ENOX1: variants seen among roughly 807,000 people sequenced by gnomAD.
ENOX1 encodes the protein ecto-NOX disulfide-thiol exchanger 1.
A neutral mutation model predicts 82.5 loss-of-function variants in ENOX1; 42 were observed. The ratio of observed to expected loss-of-function variants is 0.51; its 90% CI spans 0.40 to 0.66. ENOX1 has a LOEUF of 0.66. Ranked by LOEUF, ENOX1 falls within the 30% of genes least tolerant of loss-of-function variation. ENOX1 has a pLI of 0.00. For missense variants in ENOX1, 608 were observed against 811.6 expected, an observed-to-expected ratio of 0.75 and a Z score of 3.05; for synonymous variants, 271 against 282.2, an observed-to-expected ratio of 0.96 and a Z score of 0.40.
intron 11 of ENOX1, among the ~76,000 whole-genome samples, chr13:43,308,511 T>C (rs1207623222): frequency 6.6e-6 from 1 of 152,234 alleles, no homozygotes; most frequent in Non-Finnish European, 1.5e-5. Flanking sequence ...TTGTTTTGCA[T>C]TTCTGGTGAG....
chr13:43,248,369 G>A (rs1228635292), intron 14 of ENOX1, among the ~76,000 whole-genome samples: 1 of 151,802 alleles, frequency 6.6e-6, no homozygotes, highest in Non-Finnish European at 1.5e-5. Context: ...ATGTATGGTG[G>A]ATAGTGAAAA....
At position 43,301,522 on chromosome 13, in the gene ENOX1, C is replaced by T. The variant is rs1388280736; in HGVS notation, c.1262-2992G>A. On this transcript the variant is annotated intron_variant, in intron 11 of 16. Coordinates refer to ENST00000690772, the MANE Select transcript of ENOX1 (RefSeq NM_001347969.2). ...CAGTATATAATATTGTTTGCATTCC[C>T]GGAATAGGAATGTGATATCATCATA... 6.7e-5 allele frequency among the ~76,000 whole-genome samples: 10 copies of T among 148,204 alleles called. No individual in the cohort carries two copies. The East Asian group carries it at 7.9e-4, about 12-fold the overall frequency.
intron 14 of ENOX1, among the ~76,000 whole-genome samples, chr13:43,261,062 C>T (rs2044027868): frequency 6.6e-6 from 1 of 152,120 alleles, no homozygotes; most frequent in African/African-American, 2.4e-5. Context: ...GAAAACTTCT[C>T]CTGGGCATGC....
intron 12 of ENOX1, among the ~76,000 whole-genome samples, chr13:43,289,806 G>A (rs1229189837): frequency 6.6e-6 from 1 of 152,164 alleles, no homozygotes; most frequent in Non-Finnish European, 1.5e-5. Context: ...CAGAGTGGGA[G>A]AAGATATTCA....
Position 43,412,878 on chromosome 13 carries a change from G to C in ENOX1, c.37C>G (p.Leu13Val). The C allele has an allele frequency of 3.1e-6, 5 of 1,614,116 alleles. No homozygotes were observed. Among genetic ancestry groups the C allele is most frequent in the Non-Finnish European group, 4.2e-6 (5 of 1,180,020 alleles). Residue 13 changes from leucine (L) to valine (V), a missense_variant, in exon 4 of 17, where the codon CTT becomes GTT. Transcript: ENST00000690772. ...DAGGVENITQ[L>V]PQELPQMMAA... ...ATCATCTGAGGAAGCTCCTGGGGAA[G>C]CTGGGTGATGTTCTCAACTCCACCT...
At chr13:43,737,449 T>C (rs1199942758) in intron 1 of ENOX1, among the ~76,000 whole-genome samples, 1 of 152,178 alleles carries the variant, frequency 6.6e-6, no homozygotes, top group African/African-American at 2.4e-5. Context: ...TCTGTCAGGT[T>C]CAACTCTCTT....
At chr13:43,428,648 C>T (rs2055470721) in intron 3 of ENOX1, among the ~76,000 whole-genome samples, 1 of 152,302 alleles carries the variant, frequency 6.6e-6, no homozygotes, top group African/African-American at 2.4e-5. Flanking sequence ...TTCTGTTCTA[C>T]TTCTCTTACT....
At chr13:43,554,150 CA>C (rs1566514820) in intron 2 of ENOX1, among the ~76,000 whole-genome samples, 1 of 151,996 alleles carries the variant, frequency 6.6e-6, no homozygotes, top group African/African-American at 2.4e-5. Context: ...TTGTTACTTC[CA>C]AAAAAATTCC....
At chr13:43,429,188 G>A (rs1359533484) in intron 3 of ENOX1, among the ~76,000 whole-genome samples, 3 of 152,268 alleles carry the variant, frequency 2.0e-5, no homozygotes, top group Non-Finnish European at 2.9e-5. Context: ...CTCATCTCAC[G>A]AGTCATTGGA....
chr13:43,665,281 C>T (rs2084922424), intron 2 of ENOX1, among the ~76,000 whole-genome samples: 1 of 152,134 alleles, frequency 6.6e-6, no homozygotes, highest in Non-Finnish European at 1.5e-5. Flanking sequence ...GAAAGCACTA[C>T]CCCAAGAGGA....
intron 2 of ENOX1, among the ~76,000 whole-genome samples, chr13:43,647,179 A>G (rs777875735): frequency 7.2e-5 from 11 of 152,082 alleles, no homozygotes; most frequent in Non-Finnish European, 1.2e-4. Context: ...TGTCTCATTC[A>G]CTCATTAGCC....
chr13:43,632,572 A>G (rs570769572), intron 2 of ENOX1, among the ~76,000 whole-genome samples: 7 of 151,726 alleles, frequency 4.6e-5, no homozygotes, highest in Non-Finnish European at 8.8e-5. Context: ...CAGCCTCCCA[A>G]TTAGCTGGGA....
At chr13:43,339,202 T>C (rs1210039510) in intron 9 of ENOX1, among the ~76,000 whole-genome samples, 1 of 152,230 alleles carries the variant, frequency 6.6e-6, no homozygotes, top group Non-Finnish European at 1.5e-5. Flanking sequence ...ACTTTTTCTT[T>C]ATGTTATTAT....
intron 14 of ENOX1, among the ~76,000 whole-genome samples, chr13:43,252,866 T>C (rs2043535241): frequency 6.6e-6 from 1 of 152,154 alleles, no homozygotes; most frequent in Non-Finnish European, 1.5e-5. Flanking sequence ...GTTCTCACTG[T>C]TAGGCCCCAG....
intron 10 of ENOX1, among the ~76,000 whole-genome samples, chr13:43,324,934 G>A (rs2048023222): frequency 6.6e-6 from 1 of 152,184 alleles, no homozygotes; most frequent in South Asian, 2.1e-4. Flanking sequence ...GGTTTATTCG[G>A]CAGCAGGCCA....
intron 2 of ENOX1, among the ~76,000 whole-genome samples, chr13:43,615,656 A>G (rs2082375512): frequency 6.6e-6 from 1 of 152,078 alleles, no homozygotes; most frequent in Non-Finnish European, 1.5e-5. Context: ...GTTTTGTTAC[A>G]TAGGTATACA....
rs150669072 is a variant in ENOX1, at chr13:43,588,485, A to T, written c.-219+78994T>A. ...CCATATAACCCTTAAAAAAATAATG[A>T]ATAAGATTAAAATACAACCCTGTAA... is the stretch of plus-strand genomic sequence containing the variant. On this transcript the variant is annotated intron_variant, in intron 2 of 16. Coordinates refer to ENST00000690772, the MANE Select transcript of ENOX1 (RefSeq NM_001347969.2). Among the ~76,000 whole-genome samples, 814 of 152,318 alleles carry T rather than the reference A, an allele frequency of 5.3e-3. 8 individuals carry two copies. The highest frequency in any genetic ancestry group is 0.018 in the African/African-American group (755 of 41,556).
intron 2 of ENOX1, among the ~76,000 whole-genome samples, chr13:43,539,500 GATT>G (rs1428562833): frequency 6.6e-6 from 1 of 151,944 alleles, no homozygotes; most frequent in Non-Finnish European, 1.5e-5. Flanking sequence ...TTGTTTTCAG[GATT>G]ATTGTTACTG....
At chr13:43,514,852 T>C (rs1328772872) in intron 2 of ENOX1, among the ~76,000 whole-genome samples, 4 of 19,226 alleles carry the variant, frequency 2.1e-4, no homozygotes, top group African/African-American at 4.5e-4. Context: ...GTGGTTTCTA[T>C]GGAGAAAAGC....
Sources: gnomAD v4.1 joint callset for allele counts (sites outside exome capture counted in the v4.1 genomes callset) on GRCh38, gnomAD v4.1.1 for gene constraint, MANE v1.5 for transcripts, NCBI Gene and HGNC (gene_info 2026-07-23, HGNC 2026-07-21) for gene names.